The following SVOP variants were observed in gnomAD, a reference collection of about 807,000 sequenced individuals.
SVOP encodes the protein SV2 related protein, also known as synaptic vesicle 2-related protein.
In SVOP, 17 loss-of-function variants were observed where a neutral mutation model predicts 69.1. The ratio of observed to expected loss-of-function variants is 0.25; its 90% CI spans 0.17 to 0.37. SVOP has a LOEUF of 0.37. SVOP is among the 10% of genes least tolerant of loss of function. The probability of loss-of-function intolerance (pLI) is 1.00; values close to 1 mark genes in which losing one functional copy is unlikely to be tolerated. For missense variants in SVOP, 435 were observed against 597.5 expected (o/e 0.73, Z 2.84); for synonymous variants, 238 against 238.6 (o/e 1.00, Z 0.02).
In SVOP at chr12:108,921,062, T is replaced by C. The variant is rs1039680491; in HGVS notation, c.1157-1276A>G. ...GGGCACATTAATGAACAAAACCAAA[T>C]AAAACAATACACATAGTAAATAAAG... On this transcript the variant is annotated intron_variant, in intron 12 of 15. Transcript: ENST00000610966. Among the ~76,000 whole-genome samples, 5 of 149,800 alleles carry C rather than the reference T, an allele frequency of 3.3e-5. No individual in the cohort carries two copies. The East Asian group carries it at 9.7e-4, about 29-fold the overall frequency.
intron 6 of SVOP, among the ~76,000 whole-genome samples, chr12:108,952,645 TG>T (rs2039962557): frequency 6.6e-6 from 1 of 152,102 alleles, no homozygotes; most frequent in Non-Finnish European, 1.5e-5. Context: ...AAGAACAGCC[TG>T]GGTAACACAG....
Position 108,954,622 on chromosome 12 carries a change from G to A in SVOP, c.578+6301C>T, listed in dbSNP as rs562166037. ...GCTGTTTTGGGGTGTGATTTTCTCT[G>A]TTCCAGCTACTCCACCCTTGCAATC... On this transcript the variant is annotated intron_variant, in intron 6 of 15. Transcript: ENST00000610966. 2.8e-4 allele frequency among the ~76,000 whole-genome samples: 42 copies of A among 152,230 alleles called. 1 individual carries two copies. The highest frequency in any genetic ancestry group is 2.5e-3 in the Admixed American group (38 of 15,296).
intron 15 of SVOP, 34 bp downstream of exon 15, chr12:108,915,749 C>T (rs2039709584): frequency 6.4e-7 from 1 of 1,568,370 alleles, no homozygotes; most frequent in Non-Finnish European, 8.6e-7. Context: ...GTTTTGTCAC[C>T]CCCCATCCCT....
intron 1 of SVOP, among the ~76,000 whole-genome samples, chr12:109,012,173 C>T (rs1406183860): frequency 6.6e-6 from 1 of 151,952 alleles, no homozygotes; most frequent in Non-Finnish European, 1.5e-5. Context: ...ATCCCAGCTA[C>T]TCAGGAGGCT....
chr12:108,915,266 G>T (rs4964772), intron 15 of SVOP, among the ~76,000 whole-genome samples: 43,953 of 151,752 alleles, frequency 0.29, 7,540 homozygotes, highest in Admixed American at 0.5. Flanking sequence ...GAAGTTTGGG[G>T]GTACAAATGA....
chr12:108,969,384 CT>C (rs372898097), intron 5 of SVOP, among the ~76,000 whole-genome samples: 116,261 of 138,470 alleles, frequency 0.84, 48,930 homozygotes, highest in East Asian at 1. Context: ...CCTTTTCTTT[CT>C]TTTTTTTTTT....
At chr12:108,956,846 G>C (rs1389154159) in intron 6 of SVOP, among the ~76,000 whole-genome samples, 1 of 152,204 alleles carries the variant, frequency 6.6e-6, no homozygotes, top group Non-Finnish European at 1.5e-5. Context: ...GCTGGCCTAA[G>C]AGAGCAATGG....
intron 1 of SVOP, among the ~76,000 whole-genome samples, chr12:108,994,662 C>T (rs1362131032): frequency 6.6e-6 from 1 of 152,220 alleles, no homozygotes; most frequent in African/African-American, 2.4e-5. Context: ...CAAGGTCACA[C>T]AGTAAGTGGC....
intron 5 of SVOP, among the ~76,000 whole-genome samples, chr12:108,966,368 G>GC (rs2040045711): frequency 2.0e-5 from 3 of 152,204 alleles, no homozygotes; most frequent in Admixed American, 1.3e-4. Flanking sequence ...TTCCATGGCT[G>GC]CCACAAACTC....
intron 10 of SVOP, among the ~76,000 whole-genome samples, chr12:108,936,802 G>A (rs1229151405): frequency 7.2e-6 from 1 of 139,680 alleles, no homozygotes; most frequent in Non-Finnish European, 1.5e-5. Flanking sequence ...TAAATACAGA[G>A]GCTCACTGCC....
At chr12:108,919,297 G>A (rs1665495195) in intron 13 of SVOP, among the ~76,000 whole-genome samples, 1 of 139,076 alleles carries the variant, frequency 7.2e-6, no homozygotes, top group South Asian at 2.3e-4. Context: ...ACCCACACTT[G>A]GGCCAATACC....
rs1348831540 is a variant in SVOP, at chr12:108,977,483, A to G, written c.296T>C (p.Met99Thr). The change falls in exon 4 of 16, where the codon ATG (methionine) becomes ACG (threonine). Residue 99 changes from methionine to threonine, a missense_variant. Coordinates refer to ENST00000610966, the MANE Select transcript of SVOP (RefSeq NM_018711.5). ...CAGGATGCTGAGGATCATCATCTCC[A>G]TGGCATCAGCCATCTGCAGAGAGGA... ...LTGLAWMADA[M>T]EMMILSILAP... The G allele has an allele frequency of 2.0e-6, 3 of 1,531,846 alleles. No homozygotes were observed. The highest frequency in any genetic ancestry group is 1.4e-5 in the African/African-American group (1 of 72,946). 94.9% of individuals were successfully genotyped at this position (1,531,846 alleles called of 1,614,324 possible).
intron 1 of SVOP, among the ~76,000 whole-genome samples, chr12:108,995,389 G>A (rs1049550750): frequency 5.3e-5 from 8 of 152,042 alleles, no homozygotes; most frequent in Non-Finnish European, 1.0e-4. Context: ...GTGAAGTAAG[G>A]CAGTCACAAA....
intron 3 of SVOP, 150 bp from the exon 4 acceptor site, chr12:108,977,646 G>T (rs2137434223): frequency 1.8e-6 from 1 of 545,658 alleles, no homozygotes; most frequent in Non-Finnish European, 3.4e-6. Context: ...CACACTCAAA[G>T]CTCCAGCAGT....
chr12:108,942,544 G>A (rs189454507), intron 7 of SVOP, among the ~76,000 whole-genome samples: 11 of 152,332 alleles, frequency 7.2e-5, no homozygotes, highest in Admixed American at 2.6e-4. Flanking sequence ...AGATGGAAGC[G>A]GAGGGAGGAA....
At chr12:108,991,231 T>C (rs748692348) in intron 1 of SVOP, among the ~76,000 whole-genome samples, 7 of 152,196 alleles carry the variant, frequency 4.6e-5, no homozygotes, top group Non-Finnish European at 8.8e-5. Context: ...TAGGCCTGGA[T>C]ATCTGGTTAG....
At chr12:108,949,236 C>T (rs988424585) in intron 6 of SVOP, among the ~76,000 whole-genome samples, 6 of 151,946 alleles carry the variant, frequency 3.9e-5, no homozygotes, top group Non-Finnish European at 8.8e-5. Flanking sequence ...TCCCCCAAAG[C>T]CATAACTACT....
At chr12:108,994,401 G>A (rs2040220039) in intron 1 of SVOP, among the ~76,000 whole-genome samples, 2 of 152,160 alleles carry the variant, frequency 1.3e-5, no homozygotes, top group African/African-American at 2.4e-5. Flanking sequence ...GGCTGAGGCA[G>A]GAGAATCGCT....
chr12:109,016,393 T>A (rs2040367838), intron 1 of SVOP, among the ~76,000 whole-genome samples: 1 of 152,062 alleles, frequency 6.6e-6, no homozygotes, highest in Non-Finnish European at 1.5e-5. Context: ...AAAGACAGGG[T>A]TTGTAAGAAA....
Sources: allele counts gnomAD v4.1 joint callset (sites outside exome capture counted in the v4.1 genomes callset), GRCh38; gene constraint gnomAD v4.1.1; transcripts MANE v1.5; gene names NCBI Gene and HGNC (gene_info 2026-07-23, HGNC 2026-07-21).